Variants in CCDC171 observed in about 807,000 individuals in gnomAD.
CCDC171 encodes the protein coiled-coil domain containing 171.
CCDC171 carries 177 observed loss-of-function variants against 168.2 expected under a neutral mutation model. That is an observed-to-expected ratio of 1.05 (90% confidence interval 0.93 to 1.19). CCDC171 has a LOEUF of 1.19. Ranked by LOEUF, CCDC171 falls within the 50% of genes most tolerant of loss-of-function variation. The pLI is 0.00. For synonymous variants in CCDC171, 687 were observed against 540.8 expected (o/e 1.27, Z -3.75); for missense variants, 1,991 against 1,539.0 (o/e 1.29, Z -4.91).
At chr9:15,907,292 A>G (rs1483977815) in intron 24 of CCDC171, among the ~76,000 whole-genome samples, 1 of 152,252 alleles carries the variant, frequency 6.6e-6, no homozygotes, top group Non-Finnish European at 1.5e-5. Flanking sequence ...ACAGCATGGT[A>G]CTGATACCAA....
chr9:15,587,529 C>G (rs2041655840), intron 4 of CCDC171: 3 of 396,212 alleles, frequency 7.6e-6, no homozygotes, highest in African/African-American at 2.1e-5. Flanking sequence ...GTAAATTGCC[C>G]AGTCTCAGGT....
intron 3 of CCDC171, among the ~76,000 whole-genome samples, chr9:15,576,013 AC>A (rs1299452384): frequency 1.3e-5 from 2 of 151,394 alleles, no homozygotes; most frequent in Non-Finnish European, 2.9e-5. Flanking sequence ...ACTCACTTGA[AC>A]CTGGGAGGCA....
the CCDC171 span, among the ~76,000 whole-genome samples, chr9:16,074,124 C>G: frequency 2.6e-5 from 4 of 152,046 alleles, no homozygotes; most frequent in African/African-American, 9.7e-5. Context: ...TCAATCAATC[C>G]CTTTATTTTA....
the CCDC171 span, among the ~76,000 whole-genome samples, chr9:16,096,548 G>A: frequency 6.6e-6 from 1 of 152,210 alleles, no homozygotes; most frequent in African/African-American, 2.4e-5. Context: ...TGTCCTGGAA[G>A]TCTTGTTCTT....
chr9:16,067,170 G>A, the CCDC171 span, among the ~76,000 whole-genome samples: 8 of 152,078 alleles, frequency 5.3e-5, no homozygotes, highest in East Asian at 1.5e-3. Flanking sequence ...GGTGTGAGAT[G>A]GTATCTCATT....
Position 16,050,002 on chromosome 9 carries a change from T to G in CCDC171, n.89+7116T>G, listed in dbSNP as rs534576748. Among the ~76,000 whole-genome samples, 120 of 152,072 alleles carry G rather than the reference T, an allele frequency of 7.9e-4. 1 individual carries two copies. The highest frequency in any genetic ancestry group is 2.6e-3 in the African/African-American group (106 of 41,518). ...CCCTAGTTCAAGCGATTCTCCCACC[T>G]TAGCCTCCCAAGTAGCTGGGATTAC... On this transcript the variant is annotated intron_variant and non_coding_transcript_variant, in intron 1 of 1. Transcript: ENST00000478913.
intron 3 of CCDC171, among the ~76,000 whole-genome samples, chr9:15,984,770 GT>G (rs2132882142): frequency 6.6e-6 from 1 of 152,192 alleles, no homozygotes; most frequent in East Asian, 1.9e-4. Flanking sequence ...AAATTTTCCA[GT>G]CACAGATTTT....
chr9:15,791,462 C>T (rs567284425), intron 21 of CCDC171, among the ~76,000 whole-genome samples: 37 of 152,228 alleles, frequency 2.4e-4, no homozygotes, highest in Admixed American at 5.9e-4. Context: ...TGAGACTTTG[C>T]TGAAGTTGCT....
At chr9:15,750,670 A>G (rs529785168) in intron 18 of CCDC171, among the ~76,000 whole-genome samples, 31 of 152,364 alleles carry the variant, frequency 2.0e-4, no homozygotes, top group African/African-American at 6.0e-4. Flanking sequence ...AGAACCAACC[A>G]CAAAAACCAC....
intron 24 of CCDC171, among the ~76,000 whole-genome samples, chr9:15,891,014 T>C (rs1470453815): frequency 1.3e-5 from 2 of 152,158 alleles, no homozygotes; most frequent in Non-Finnish European, 2.9e-5. Context: ...TTGCTTTTCT[T>C]CAGGTATATT....
At chr9:16,044,538 T>G (rs531566008) in intron 1 of CCDC171, among the ~76,000 whole-genome samples, 457 of 152,006 alleles carry the variant, frequency 3.0e-3, no homozygotes, top group South Asian at 0.026. Context: ...AATAATTTTT[T>G]TTTTTTTTTG....
intron 25 of CCDC171, among the ~76,000 whole-genome samples, chr9:15,964,253 C>T (rs955646716): frequency 6.6e-5 from 10 of 152,168 alleles, no homozygotes; most frequent in African/African-American, 2.2e-4. Flanking sequence ...AATTGATTTT[C>T]ATGAGCCTTT....
At chr9:16,054,292 A>C (rs2133075912) in intron 1 of CCDC171, among the ~76,000 whole-genome samples, 1 of 152,248 alleles carries the variant, frequency 6.6e-6, no homozygotes, top group East Asian at 1.9e-4. Context: ...ATACATAATA[A>C]ATAATTGCTA....
the CCDC171 span, among the ~76,000 whole-genome samples, chr9:16,069,234 G>A: frequency 6.6e-6 from 1 of 152,252 alleles, no homozygotes; most frequent in Non-Finnish European, 1.5e-5. Flanking sequence ...AAAGCTCTGA[G>A]TGGCTTGGTA....
chr9:15,898,678 T>G (rs959058835), intron 24 of CCDC171, among the ~76,000 whole-genome samples: 10 of 152,186 alleles, frequency 6.6e-5, no homozygotes, highest in Non-Finnish European at 1.2e-4. Context: ...ATTAGAATGC[T>G]ATATATTTGC....
At chr9:15,685,593 C>G (rs1232496504) in intron 10 of CCDC171, among the ~76,000 whole-genome samples, 2 of 151,968 alleles carry the variant, frequency 1.3e-5, no homozygotes, top group Non-Finnish European at 2.9e-5. Context: ...CATGATTACA[C>G]CAGTGCATGC....
At chr9:16,050,648 A>C (rs1833736960) in intron 1 of CCDC171, among the ~76,000 whole-genome samples, 1 of 152,338 alleles carries the variant, frequency 6.6e-6, no homozygotes, top group African/African-American at 2.4e-5. Flanking sequence ...GACACCACAA[A>C]AGTGCATTAT....
At chr9:15,642,343 G>GTATATATATATA (rs55976539) in intron 7 of CCDC171, among the ~76,000 whole-genome samples, 15 of 107,528 alleles carry the variant, frequency 1.4e-4, no homozygotes, top group African/African-American at 2.5e-4. Context: ...GTGTGTGTGT[G>GTATATATATATA]TATATATATA....
chr9:15,598,470 T>G (rs2042558980), intron 6 of CCDC171, among the ~76,000 whole-genome samples: 1 of 152,172 alleles, frequency 6.6e-6, no homozygotes, highest in South Asian at 2.1e-4. Context: ...TGAGTGAGTT[T>G]CTTAATCCTG....
Sources: gnomAD v4.1 joint callset for allele counts (sites outside exome capture counted in the v4.1 genomes callset) on GRCh38, gnomAD v4.1.1 for gene constraint, MANE v1.5 for transcripts, NCBI Gene and HGNC (gene_info 2026-07-23, HGNC 2026-07-21) for gene names.